The following MXRA7 variants were observed in gnomAD, a reference collection of about 807,000 sequenced individuals.
The protein encoded by MXRA7 is matrix-remodeling-associated protein 7.
In MXRA7, 18 loss-of-function variants were observed where a neutral mutation model predicts 17.4. The ratio of observed to expected loss-of-function variants is 1.03; its 90% CI spans 0.71 to 1.53. MXRA7 has a LOEUF of 1.53. Among genes scored for constraint, MXRA7 ranks in the 40% most tolerant of loss-of-function variants. The pLI is 0.00. For synonymous variants in MXRA7, 70 were observed against 101.7 expected (o/e 0.69, Z 1.87); for missense variants, 141 against 209.3 (o/e 0.67, Z 2.01).
intron 3 of MXRA7, among the ~76,000 whole-genome samples, chr17:76,683,219 A>ACTT (rs2076332427): frequency 6.6e-6 from 1 of 152,102 alleles, no homozygotes; most frequent in Non-Finnish European, 1.5e-5. Context: ...GCCAGATACT[A>ACTT]CTTAGATTTG....
downstream of MXRA7, among the ~76,000 whole-genome samples, chr17:76,678,545 T>TG (rs2076259445): frequency 6.6e-6 from 1 of 152,184 alleles, no homozygotes; most frequent in South Asian, 2.1e-4. Context: ...AGCCGGGCAC[T>TG]GCATCCTGGC....
intron 1 of MXRA7, 89 bp from the exon 2 acceptor site, chr17:76,688,265 GC>G (rs1442744821): frequency 6.4e-7 from 1 of 1,571,210 alleles, no homozygotes; most frequent in African/African-American, 1.3e-5. Flanking sequence ...GACAGAGGAG[GC>G]CCTCGAAGGT....
chr17:76,675,377 C>G (rs2076231737), downstream of MXRA7: 1 of 144,260 alleles, frequency 6.9e-6, no homozygotes, highest in Non-Finnish European at 1.5e-5. Flanking sequence ...AGACCTGAGA[C>G]AGAACAAATA....
chr17:76,705,646 C>T (rs1267964354), intron 1 of MXRA7, among the ~76,000 whole-genome samples: 1 of 152,058 alleles, frequency 6.6e-6, no homozygotes, highest in Non-Finnish European at 1.5e-5. Context: ...CCCTACAATG[C>T]TATGAGGGCC....
intron 1 of MXRA7, chr17:76,689,032 A>C: frequency 6.1e-6 from 1 of 164,108 alleles, no homozygotes. Context: ...GAAGTGGCAA[A>C]CCCAGAGGGG....
chr17:76,707,704 A>T (rs998782583), intron 1 of MXRA7, among the ~76,000 whole-genome samples: 6 of 152,152 alleles, frequency 3.9e-5, no homozygotes, highest in African/African-American at 1.4e-4. Flanking sequence ...ATGACCCTTG[A>T]CGCTTTGCCA....
chr17:76,696,026 C>T lies in MXRA7; in HGVS notation c.343-7850G>A, dbSNP rs191147801. Among the ~76,000 whole-genome samples, 228 of 151,774 alleles carry T rather than the reference C, an allele frequency of 1.5e-3. 3 individuals carry two copies. Among genetic ancestry groups the T allele is most frequent in the Non-Finnish European group, 4.3e-4 (29 of 67,924 alleles). ...AGGAGAATCTCTTGAACCCAGGAGGCGGAGGTTGCAGTAAGCCGAGATCGC... is the reference window on the plus strand; with the variant it reads ...AGGAGAATCTCTTGAACCCAGGAGGTGGAGGTTGCAGTAAGCCGAGATCGC... On this transcript the variant is annotated intron_variant, in intron 1 of 3. Transcript: ENST00000449428.
At chr17:76,686,754 G>A (rs889479493) in intron 2 of MXRA7, among the ~76,000 whole-genome samples, 4 of 152,268 alleles carry the variant, frequency 2.6e-5, no homozygotes, top group East Asian at 3.9e-4. Context: ...TCATTTTAGC[G>A]ACACTAATAA....
chr17:76,694,888 G>T (rs2076516797), intron 1 of MXRA7, among the ~76,000 whole-genome samples: 1 of 152,076 alleles, frequency 6.6e-6, no homozygotes, highest in Non-Finnish European at 1.5e-5. Context: ...AAATAACGGG[G>T]GCCGGGGGCC....
At chr17:76,690,953 T>C (rs932611417) in intron 1 of MXRA7, among the ~76,000 whole-genome samples, 8 of 152,284 alleles carry the variant, frequency 5.3e-5, no homozygotes, top group African/African-American at 1.9e-4. Flanking sequence ...CATTTGGTTT[T>C]GATCCCAGTC....
chr17:76,697,962 AGAGG>A (rs1350418693), intron 1 of MXRA7, among the ~76,000 whole-genome samples: 2 of 152,096 alleles, frequency 1.3e-5, no homozygotes, highest in Admixed American at 1.3e-4. Context: ...GAACACTAAC[AGAGG>A]GAGAGAGAGT....
chr17:76,682,575 C>G (rs1423263798), intron 3 of MXRA7, among the ~76,000 whole-genome samples: 6 of 152,116 alleles, frequency 3.9e-5, no homozygotes, highest in Non-Finnish European at 8.8e-5. Context: ...ACTGACCAGC[C>G]TCTGCAACCC....
intron 3 of MXRA7, among the ~76,000 whole-genome samples, chr17:76,682,377 C>A (rs1009991266): frequency 6.6e-6 from 1 of 152,046 alleles, no homozygotes; most frequent in Non-Finnish European, 1.5e-5. Flanking sequence ...ACCTGACAGG[C>A]GGAGAGAGAG....
chr17:76,686,273 G>A (rs1203551832), intron 2 of MXRA7, among the ~76,000 whole-genome samples: 15 of 152,204 alleles, frequency 9.9e-5, no homozygotes, highest in Non-Finnish European at 2.9e-5. Flanking sequence ...GAGGCCAGGA[G>A]TTCGAGACCA....
intron 1 of MXRA7, among the ~76,000 whole-genome samples, chr17:76,701,754 G>C (rs2076593836): frequency 6.6e-6 from 1 of 152,098 alleles, no homozygotes; most frequent in African/African-American, 2.4e-5. Flanking sequence ...CCCAACCCCT[G>C]CCCAGGGCCG....
intron 1 of MXRA7, chr17:76,709,403 A>T (rs1008308661): frequency 1.3e-5 from 2 of 152,184 alleles, no homozygotes; most frequent in African/African-American, 2.4e-5. Flanking sequence ...GCTCCACCCC[A>T]TTAAATGTGG....
intron 1 of MXRA7, among the ~76,000 whole-genome samples, chr17:76,700,173 C>T (rs138112558): frequency 1.3e-5 from 2 of 152,202 alleles, no homozygotes; most frequent in African/African-American, 2.4e-5. Context: ...GGTTTTGCCA[C>T]GTTGGCCAGG....
chr17:76,708,199 C>G (rs990862798), intron 1 of MXRA7, among the ~76,000 whole-genome samples: 1 of 152,256 alleles, frequency 6.6e-6, no homozygotes, highest in African/African-American at 2.4e-5. Context: ...AGAGATCCTT[C>G]TCAATAATCA....
At chr17:76,702,516 AAAGAAGAAGAAG>A (rs149456126) in intron 1 of MXRA7, among the ~76,000 whole-genome samples, 1 of 151,630 alleles carries the variant, frequency 6.6e-6, no homozygotes, top group African/African-American at 2.4e-5. Flanking sequence ...TAAATAAATA[AAAGAAGAAGAAG>A]AAGAAGAAGA....
Sources: allele counts gnomAD v4.1 joint callset (sites outside exome capture counted in the v4.1 genomes callset), GRCh38; gene constraint gnomAD v4.1.1; transcripts MANE v1.5; gene names NCBI Gene and HGNC (gene_info 2026-07-23, HGNC 2026-07-21).